Variants in USP49 observed in about 807,000 individuals in gnomAD.
USP49 encodes the protein ubiquitin carboxyl-terminal hydrolase 49.
Under a neutral mutation model 58.6 loss-of-function variants are expected in USP49, and 24 were observed. The observed-to-expected ratio is 0.41, with a 90% CI of 0.30 to 0.58. The LOEUF is 0.58. USP49 is among the 20% of genes least tolerant of loss of function. USP49 has a pLI of 0.30. For synonymous variants in USP49, 408 were observed against 365.1 expected (o/e 1.12, Z -1.34); for missense variants, 703 against 866.1 (o/e 0.81, Z 2.36).
intron 7 of USP49, 144 bp from the exon 8 acceptor site, chr6:41,796,867 A>G (rs1217238078): frequency 8.3e-6 from 5 of 604,244 alleles, no homozygotes; most frequent in African/African-American, 5.6e-5. Context: ...GGACAGGTAA[A>G]TGAAACTGAC....
chr6:41,834,090 A>G (rs1372950491), intron 3 of USP49, among the ~76,000 whole-genome samples: 1 of 152,236 alleles, frequency 6.6e-6, no homozygotes, highest in Non-Finnish European at 1.5e-5. Flanking sequence ...AAAGTAGGCA[A>G]CTAAAGGAAA....
chr6:41,823,760 CATT>C (rs1328305192), intron 3 of USP49, among the ~76,000 whole-genome samples: 1 of 152,136 alleles, frequency 6.6e-6, no homozygotes, highest in Non-Finnish European at 1.5e-5. Flanking sequence ...CAGCTCCTAA[CATT>C]ATTGCAGTGT....
At chr6:41,884,042 T>G (rs1209672509) in intron 2 of USP49, among the ~76,000 whole-genome samples, 1 of 152,078 alleles carries the variant, frequency 6.6e-6, no homozygotes, top group East Asian at 1.9e-4. Flanking sequence ...GTTTTTTTTT[T>G]AGATGGAGTC....
intron 3 of USP49, among the ~76,000 whole-genome samples, chr6:41,866,421 T>C (rs760571504): frequency 2.0e-5 from 3 of 152,144 alleles, no homozygotes; most frequent in Non-Finnish European, 2.9e-5. Context: ...TTTTTTTTGT[T>C]TTTATAGAAC....
rs1282602773 is a variant in USP49 at position 41,805,609 on chromosome 6, A to G, written c.1356+19T>C. On this transcript the variant is annotated intron_variant, in intron 4 of 7. Coordinates refer to ENST00000682992, the MANE Select transcript of USP49 (RefSeq NM_001286554.2). ...GCTAACATACAAGCCTCTCATTGTC[A>G]TGGTAGGCACACACATACCTGACTG... 6.3e-7 allele frequency: 1 copy of G among 1,594,586 alleles called. No individual in the cohort carries two copies. The highest frequency in any genetic ancestry group is 8.6e-7 in the Non-Finnish European group (1 of 1,166,982).
At position 41,832,426 on chromosome 6, in the gene USP49, A is replaced by G. The variant is rs151268608; in HGVS notation, c.-28-25415T>C. Among the ~76,000 whole-genome samples, 352 of 152,294 alleles carry G rather than the reference A, an allele frequency of 2.3e-3. 2 individuals carry two copies. Among genetic ancestry groups the G allele is most frequent in the African/African-American group, 7.7e-3 (320 of 41,574 alleles). ...AATGCCTAAGTCCTAGTATAAACAA[A>G]ATTGGGTATGTGCAGGCAAAAAAGT... is the stretch of plus-strand genomic sequence containing the variant. On this transcript the variant is annotated intron_variant, in intron 3 of 7. Transcript: ENST00000682992.
intron 3 of USP49, among the ~76,000 whole-genome samples, chr6:41,850,308 T>A (rs1480916324): frequency 1.3e-5 from 2 of 151,628 alleles, no homozygotes; most frequent in Admixed American, 1.3e-4. Context: ...CCAGACAAGG[T>A]GGCACACGCC....
At chr6:41,825,491 T>A (rs1000199221) in intron 3 of USP49, among the ~76,000 whole-genome samples, 33 of 152,102 alleles carry the variant, frequency 2.2e-4, no homozygotes, top group African/African-American at 7.7e-4. Flanking sequence ...ACTGACCTCA[T>A]AATTTTTTCC....
At chr6:41,891,481 T>C (rs546293461) in intron 2 of USP49, among the ~76,000 whole-genome samples, 1 of 152,208 alleles carries the variant, frequency 6.6e-6, no homozygotes, top group African/African-American at 2.4e-5. Context: ...CATTGAGGAG[T>C]AAACAAGTTA....
intron 3 of USP49, among the ~76,000 whole-genome samples, chr6:41,849,755 G>A (rs774631563): frequency 3.3e-5 from 5 of 151,832 alleles, no homozygotes; most frequent in Non-Finnish European, 7.4e-5. Context: ...TTACAGGCAC[G>A]CGCCGCCACG....
chr6:41,890,043 C>T (rs1322423754), intron 2 of USP49, among the ~76,000 whole-genome samples: 1 of 152,176 alleles, frequency 6.6e-6, no homozygotes, highest in African/African-American at 2.4e-5. Context: ...AATTCACATA[C>T]TCAGTTAATG....
chr6:41,831,323 G>A (rs922657757), intron 3 of USP49, among the ~76,000 whole-genome samples: 3 of 152,086 alleles, frequency 2.0e-5, no homozygotes, highest in South Asian at 4.1e-4. Flanking sequence ...CCAGGGGGTG[G>A]AGGTTGCAGT....
At chr6:41,825,724 C>T (rs909403130) in intron 3 of USP49, among the ~76,000 whole-genome samples, 3 of 152,098 alleles carry the variant, frequency 2.0e-5, no homozygotes, top group African/African-American at 7.2e-5. Flanking sequence ...GTTGTGTGAG[C>T]CTGATTTCTC....
chr6:41,890,176 G>A (rs904908785), intron 2 of USP49, among the ~76,000 whole-genome samples: 4 of 151,754 alleles, frequency 2.6e-5, no homozygotes, highest in East Asian at 1.9e-4. Context: ...TCAGGAGTTC[G>A]AGACCAGCCT....
At chr6:41,840,802 A>C (rs1168302794) in intron 3 of USP49, among the ~76,000 whole-genome samples, 1 of 152,092 alleles carries the variant, frequency 6.6e-6, no homozygotes. Context: ...GTAATGTCTA[A>C]TTTTTAAAAA....
rs1261585581 is a variant in USP49, at chr6:41,804,305, G to C, written c.1357-295C>G. On this transcript the variant is annotated intron_variant, in intron 4 of 7. Coordinates refer to ENST00000682992, the MANE Select transcript of USP49 (RefSeq NM_001286554.2). ...TACCATTCAATAGTACAGTAGTACA[G>C]ACTGCAAGTTATCATGCAGTCACTC... 5.0e-4 allele frequency among the ~76,000 whole-genome samples: 76 copies of C among 152,096 alleles called. 1 individual carries two copies. The highest frequency in any genetic ancestry group is 1.5e-5 in the Non-Finnish European group (1 of 68,018).
rs1178582447 is a variant in USP49 at position 41,794,536 on chromosome 6, C to T, written c.*1997G>A. 1 of 152,142 alleles carries T rather than the reference C, an allele frequency of 6.6e-6. No individual in the cohort carries two copies. The highest frequency in any genetic ancestry group is 2.4e-5 in the African/African-American group (1 of 41,416). The allele number at this position is 152,142 out of a possible 1,614,324, so 9.4% of individuals were successfully genotyped here. A position where few individuals can be genotyped will look rare whatever the true frequency, so the allele number is the denominator to read the frequency against. The stretch of plus-strand genomic sequence containing the variant: ...TTCATAGTTTCCTTTCCTTTTTACT[C>T]TCCTTGGTTTTTTTGAGTTAATGGG... On this transcript the variant is annotated 3_prime_UTR_variant, in exon 8 of 8. Transcript: ENST00000682992.
chr6:41,871,829 G>A (rs191153687), intron 2 of USP49, among the ~76,000 whole-genome samples, 192 bp from the exon 3 acceptor site: 2 of 152,124 alleles, frequency 1.3e-5, no homozygotes, highest in East Asian at 1.9e-4. Context: ...TAACCAAAGA[G>A]TCAGTCACTT....
intron 7 of USP49, chr6:41,797,907 G>T: frequency 2.5e-6 from 2 of 814,978 alleles, no homozygotes; most frequent in Non-Finnish European, 3.0e-6. Flanking sequence ...TCACTCTGTT[G>T]CCCAGGCTAG....
Sources: allele counts gnomAD v4.1 joint callset (sites outside exome capture counted in the v4.1 genomes callset), GRCh38; gene constraint gnomAD v4.1.1; transcripts MANE v1.5; gene names NCBI Gene and HGNC (gene_info 2026-07-23, HGNC 2026-07-21).